Variants in LRP1B observed in about 807,000 individuals in gnomAD.
LRP1B encodes low-density lipoprotein receptor-related protein 1B.
LRP1B carries 217 observed loss-of-function variants against 556.6 expected under a neutral mutation model. That is an observed-to-expected ratio of 0.39 (90% CI 0.35 to 0.44). The LOEUF is 0.44. LRP1B is among the 20% of genes least tolerant of loss of function. LRP1B has a pLI of 1.00. For missense variants in LRP1B, 5,053 were observed against 5,620.8 expected (o/e 0.90, Z 3.23); for synonymous variants, 2,047 against 1,865.8 (o/e 1.10, Z -2.50).
At chr2:141,425,140 G>A (rs36152277) in intron 3 of LRP1B, among the ~76,000 whole-genome samples, 39,141 of 150,470 alleles carry the variant, frequency 0.26, 5,318 homozygotes, top group African/African-American at 0.33. Flanking sequence ...TCATCGTTCA[G>A]TTCCCATCTA....
At chr2:141,086,115 C>T (rs1700041330) in intron 7 of LRP1B, among the ~76,000 whole-genome samples, 1 of 152,106 alleles carries the variant, frequency 6.6e-6, no homozygotes, top group Non-Finnish European at 1.5e-5. Flanking sequence ...TCCAGATTTG[C>T]CTCTGTAAAG....
intron 7 of LRP1B, among the ~76,000 whole-genome samples, chr2:141,175,936 A>G (rs1326091948): frequency 6.6e-6 from 1 of 152,096 alleles, no homozygotes; most frequent in Non-Finnish European, 1.5e-5. Flanking sequence ...ATGGAGTCAA[A>G]GGAAATCATT....
In LRP1B at chr2:140,448,737, C is replaced by T. The variant is rs536129019; in HGVS notation, c.10057+1831G>A. On this transcript the variant is annotated intron_variant, in intron 63 of 90. Coordinates refer to ENST00000389484, the MANE Select transcript of LRP1B (RefSeq NM_018557.3). ...TAATATATTGCACACTTGAAAATTG[C>T]TAAGAGAATAGATTTTAAGTATTCT... 2.6e-5 allele frequency among the ~76,000 whole-genome samples: 4 copies of T among 152,062 alleles called. No homozygotes were observed. The South Asian group carries it at 8.3e-4, about 32-fold the overall frequency.
At chr2:141,034,980 G>A (rs1444886258) in intron 11 of LRP1B, among the ~76,000 whole-genome samples, 1 of 151,918 alleles carries the variant, frequency 6.6e-6, no homozygotes, top group East Asian at 1.9e-4. Flanking sequence ...ATGATAGACT[G>A]GATTAAGAAA....
intron 1 of LRP1B, among the ~76,000 whole-genome samples, chr2:141,834,223 A>G (rs558214437): frequency 2.4e-4 from 37 of 152,030 alleles, no homozygotes; most frequent in African/African-American, 8.9e-4. Context: ...GTTTAAAACA[A>G]TGTTTTAAAG....
At chr2:140,708,441 T>C (rs1303170582) in intron 37 of LRP1B, among the ~76,000 whole-genome samples, 2 of 151,726 alleles carry the variant, frequency 1.3e-5, no homozygotes, top group African/African-American at 2.4e-5. Context: ...ACAATTATTA[T>C]GTGTATGAAG....
At chr2:140,304,802 G>A (rs1683995374) in intron 83 of LRP1B, among the ~76,000 whole-genome samples, 1 of 152,300 alleles carries the variant, frequency 6.6e-6, no homozygotes, top group Non-Finnish European at 1.5e-5. Context: ...TAACGTTTAA[G>A]TCTTTAATCC....
At chr2:140,718,756 G>T (rs111982094) in intron 35 of LRP1B, among the ~76,000 whole-genome samples, 1 of 151,600 alleles carries the variant, frequency 6.6e-6, no homozygotes, top group South Asian at 2.1e-4. Flanking sequence ...ATCCTCCCTC[G>T]CCTAATTTTC....
intron 1 of LRP1B, among the ~76,000 whole-genome samples, chr2:142,002,502 G>T (rs1702683299): frequency 6.6e-6 from 1 of 150,642 alleles, no homozygotes; most frequent in African/African-American, 2.4e-5. Context: ...TTCACTGCTT[G>T]GTGTGATACC....
chr2:141,196,296 G>A (rs1200905818), intron 6 of LRP1B, among the ~76,000 whole-genome samples: 7 of 151,800 alleles, frequency 4.6e-5, no homozygotes, highest in African/African-American at 9.7e-5. Context: ...ATTTACTTTC[G>A]TAATTCTCTA....
chr2:141,639,070 A>C (rs1469443086), intron 2 of LRP1B, among the ~76,000 whole-genome samples: 1 of 123,668 alleles, frequency 8.1e-6, no homozygotes, highest in Non-Finnish European at 1.8e-5. Flanking sequence ...CAGTATCCAT[A>C]AGTGGCACTG....
chr2:141,761,738 A>G (rs1694557119), intron 2 of LRP1B, among the ~76,000 whole-genome samples: 1 of 152,188 alleles, frequency 6.6e-6, no homozygotes, highest in Non-Finnish European at 1.5e-5. Context: ...TGTCATAAAA[A>G]AATGCCAAAA....
At chr2:141,811,851 C>T (rs751577992) in intron 1 of LRP1B, among the ~76,000 whole-genome samples, 4 of 152,000 alleles carry the variant, frequency 2.6e-5, no homozygotes, top group Non-Finnish European at 5.9e-5. Context: ...GTTGTGTCTA[C>T]AGATCTCACT....
At chr2:141,736,079 T>C (rs1228874319) in intron 2 of LRP1B, among the ~76,000 whole-genome samples, 3 of 152,136 alleles carry the variant, frequency 2.0e-5, no homozygotes, top group East Asian at 1.9e-4. Flanking sequence ...TCACCCACTC[T>C]CTCTAGGGGC....
chr2:141,214,396 G>T (rs1413176281), intron 6 of LRP1B, among the ~76,000 whole-genome samples: 3 of 152,132 alleles, frequency 2.0e-5, no homozygotes, highest in South Asian at 2.1e-4. Flanking sequence ...TACTCTAAAA[G>T]ACATCAGTTT....
At chr2:140,291,310 A>ATG (rs1558775761) in intron 84 of LRP1B, among the ~76,000 whole-genome samples, 3 of 64,738 alleles carry the variant, frequency 4.6e-5, no homozygotes, top group Non-Finnish European at 6.5e-5. Flanking sequence ...ATATATATAT[A>ATG]TATATATATT....
intron 18 of LRP1B, among the ~76,000 whole-genome samples, chr2:140,960,305 G>T (rs376672761): frequency 6.6e-6 from 1 of 151,896 alleles, no homozygotes; most frequent in South Asian, 2.1e-4. Flanking sequence ...ACTGGATCAA[G>T]ATACGATTAT....
At chr2:141,766,170 AGAG>A (rs1464282111) in intron 2 of LRP1B, among the ~76,000 whole-genome samples, 35 of 152,334 alleles carry the variant, frequency 2.3e-4, no homozygotes, top group African/African-American at 7.7e-4. Context: ...AGAAAATATT[AGAG>A]AAGTATAGAT....
chr2:141,542,528 G>C (rs1035620061), intron 2 of LRP1B, among the ~76,000 whole-genome samples: 2 of 151,796 alleles, frequency 1.3e-5, no homozygotes, highest in African/African-American at 2.4e-5. Flanking sequence ...TATAGTAATG[G>C]ATATCTACCA....
Sources: allele counts gnomAD v4.1 joint callset (sites outside exome capture counted in the v4.1 genomes callset), GRCh38; gene constraint gnomAD v4.1.1; transcripts MANE v1.5; gene names NCBI Gene and HGNC (gene_info 2026-07-23, HGNC 2026-07-21).